Variants in PIP5K1C observed in about 807,000 individuals in gnomAD.
The protein encoded by PIP5K1C is phosphatidylinositol 4-phosphate 5-kinase type-1 gamma.
Under a neutral mutation model 80.1 loss-of-function variants are expected in PIP5K1C, and 45 were observed. The ratio of observed to expected loss-of-function variants is 0.56; its 90% confidence interval spans 0.44 to 0.72. The LOEUF (loss-of-function observed/expected upper bound fraction) is 0.72. PIP5K1C is among the 30% of genes least tolerant of loss of function. The pLI is 0.00. For synonymous variants in PIP5K1C, 498 were observed against 420.1 expected, an observed-to-expected ratio of 1.19 and a Z score of -2.27; for missense variants, 753 against 954.6, an observed-to-expected ratio of 0.79 and a Z score of 2.78.
rs776702962 is a variant in PIP5K1C, at chr19:3,643,404, A to T, written c.1511-23T>A. On this transcript the variant is annotated intron_variant, in intron 12 of 17. Transcript: ENST00000335312. ...GGCCTGAGGGGAGAGGACTGTGGGC[A>T]CCTTGCGGAGCCTCCGAGCCCCCAA... 4 of 1,612,184 alleles carry T rather than the reference A, an allele frequency of 2.5e-6. No individual in the cohort carries two copies. In the South Asian group the frequency reaches 4.4e-5, roughly 18 times the overall value.
intron 1 of PIP5K1C, among the ~76,000 whole-genome samples, chr19:3,698,447 C>G (rs1306652359): frequency 6.6e-6 from 1 of 152,236 alleles, no homozygotes; most frequent in African/African-American, 2.4e-5. Flanking sequence ...CCGATACCAA[C>G]ATAGGGTGGG....
At chr19:3,683,333 T>C (rs1052866040) in intron 1 of PIP5K1C, among the ~76,000 whole-genome samples, 2 of 152,106 alleles carry the variant, frequency 1.3e-5, no homozygotes, top group Non-Finnish European at 2.9e-5. Context: ...CACAGTGGGC[T>C]TGGCTCAGGA....
intron 8 of PIP5K1C, among the ~76,000 whole-genome samples, chr19:3,650,473 T>C (rs2034396411): frequency 6.6e-6 from 1 of 152,256 alleles, no homozygotes; most frequent in African/African-American, 2.4e-5. Context: ...TGGGGACATC[T>C]GTGGTTGTCA....
chr19:3,677,989 G>GGATGGAGGGATGGACA (rs1460470408), intron 1 of PIP5K1C, among the ~76,000 whole-genome samples: 3 of 125,862 alleles, frequency 2.4e-5, no homozygotes, highest in African/African-American at 9.7e-5. Context: ...GAGGGAAGGA[G>GGATGGAGGGATGGACA]GATGGAGGGA....
chr19:3,695,942 G>A (rs983800842), intron 1 of PIP5K1C, among the ~76,000 whole-genome samples: 28 of 151,946 alleles, frequency 1.8e-4, no homozygotes, highest in African/African-American at 6.8e-4. Context: ...GTTGCTCCAG[G>A]CTGGTCTCAA....
In PIP5K1C at chr19:3,632,976, G is replaced by T; in HGVS notation, c.*191C>A. On this transcript the variant is annotated 3_prime_UTR_variant, in exon 18 of 18. Transcript: ENST00000335312. ...CTCACAGGGGCAGGCTGCCGACCGG[G>T]GTGCCGGGGCCCTGGGAGGCTTGTC... The T allele has an allele frequency of 1.9e-6, 1 of 526,224 alleles. No individual in the cohort carries two copies. Among genetic ancestry groups the T allele is most frequent in the Non-Finnish European group, 3.4e-6 (1 of 296,528 alleles). The allele number at this position is 526,224 out of a possible 1,614,324, so 32.6% of individuals were successfully genotyped here.
intron 16 of PIP5K1C, among the ~76,000 whole-genome samples, chr19:3,636,040 T>G (rs2033673821): frequency 6.7e-6 from 1 of 148,668 alleles, no homozygotes; most frequent in Admixed American, 6.7e-5. Context: ...GCCTGTAATC[T>G]CAGCTACTCA....
chr19:3,676,971 G>C (rs2145553790), intron 1 of PIP5K1C, among the ~76,000 whole-genome samples: 1 of 152,188 alleles, frequency 6.6e-6, no homozygotes, highest in Non-Finnish European at 1.5e-5. Flanking sequence ...GAGTGGTGGT[G>C]CACACCTGTA....
At chr19:3,691,091 C>T (rs547888113) in intron 1 of PIP5K1C, among the ~76,000 whole-genome samples, 4 of 152,272 alleles carry the variant, frequency 2.6e-5, no homozygotes, top group South Asian at 2.1e-4. Context: ...CTTGTGGAAA[C>T]GCAGTTCCAA....
At chr19:3,638,127 A>C in intron 16 of PIP5K1C, 2 of 1,277,296 alleles carry the variant, frequency 1.6e-6, no homozygotes, top group South Asian at 1.6e-5. Context: ...AGAACAAACC[A>C]TCTGGGAAGT....
At chr19:3,667,436 G>A (rs1271443008) in intron 1 of PIP5K1C, 83 bp from the exon 2 acceptor site, 3 of 1,512,514 alleles carry the variant, frequency 2.0e-6, no homozygotes, top group Non-Finnish European at 2.8e-6. Context: ...CCACCTTCTG[G>A]CGCCCCAGGC....
At chr19:3,677,483 G>A (rs1022786332) in intron 1 of PIP5K1C, among the ~76,000 whole-genome samples, 4 of 151,302 alleles carry the variant, frequency 2.6e-5, no homozygotes, top group Non-Finnish European at 2.9e-5. Context: ...CTTGGGAGGC[G>A]GAGGCAGGAG....
intron 2 of PIP5K1C, among the ~76,000 whole-genome samples, chr19:3,666,108 C>T (rs1366492628): frequency 2.0e-5 from 3 of 152,236 alleles, no homozygotes; most frequent in Non-Finnish European, 4.4e-5. Context: ...GCCCCCACGC[C>T]GGGGGACTCT....
At chr19:3,655,979 G>C (rs530752565) in intron 6 of PIP5K1C, among the ~76,000 whole-genome samples, 1 of 152,236 alleles carries the variant, frequency 6.6e-6, no homozygotes, top group African/African-American at 2.4e-5. Context: ...CTGGTCTTTT[G>C]TGGGGTACCA....
chr19:3,696,648 C>G lies in PIP5K1C; in HGVS notation c.94+3649G>C, dbSNP rs1026555547. ...GCCGTGCAAAGGCCCCGGGGCAGGA[C>G]CATGCCCTGCATGCTGGAGGAACAG... is the stretch of plus-strand genomic sequence containing the variant. On this transcript the variant is annotated intron_variant, in intron 1 of 17. Coordinates refer to ENST00000335312, the MANE Select transcript of PIP5K1C (RefSeq NM_012398.3). The surrounding 1 kb of genome is among the most constrained non-coding windows in gnomAD (Gnocchi z 4.1). 6.7e-6 allele frequency among the ~76,000 whole-genome samples: 1 copy of G among 148,450 alleles called. No individual in the cohort carries two copies. The highest frequency in any genetic ancestry group is 2.5e-5 in the African/African-American group (1 of 39,758).
In PIP5K1C at chr19:3,641,727, C is replaced by T. The variant is rs2145396260; in HGVS notation, c.1765G>A (p.Val589Ile). The T allele has an allele frequency of 6.2e-7, 1 of 1,609,760 alleles. No individual in the cohort carries two copies. ...CACCCTGCGTCCTCCTCTTTGGGGA[C>T]CACAATCTCCACGCTGCACGCAGGC... ...VEPACSVEIV[V>I]PKEEDAGVEA... Residue 589 changes from valine to isoleucine, a missense_variant, in exon 15 of 18, where the codon GTC (valine) becomes ATC (isoleucine). Physicochemically the swap from Val to Ile is conservative, Grantham distance 29. Coordinates refer to ENST00000335312, the MANE Select transcript of PIP5K1C (RefSeq NM_012398.3).
In PIP5K1C at chr19:3,638,867, G is replaced by A; in HGVS notation, c.1920+17C>T. On this transcript the variant is annotated intron_variant, in intron 16 of 17. Transcript: ENST00000335312. ...CCGGTTGACGAGCCGGCGGCAGGAG[G>A]AGCCCGGGGCACTTACAAAGTAGAT... 3 of 1,613,006 alleles carry A rather than the reference G, an allele frequency of 1.9e-6. No homozygotes were observed. The East Asian group carries it at 6.7e-5, about 36-fold the overall frequency.
intron 2 of PIP5K1C, among the ~76,000 whole-genome samples, chr19:3,666,445 A>C (rs1166662689): frequency 6.6e-6 from 1 of 152,256 alleles, no homozygotes; most frequent in African/African-American, 2.4e-5. Flanking sequence ...GACAGGACCC[A>C]TGTACATGCA....
intron 8 of PIP5K1C, among the ~76,000 whole-genome samples, chr19:3,649,112 C>G (rs2034359013): frequency 8.2e-6 from 1 of 121,802 alleles, no homozygotes. Context: ...CACCCGGCAC[C>G]ATGCCCACAC....
Sources: allele counts gnomAD v4.1 joint callset (sites outside exome capture counted in the v4.1 genomes callset), GRCh38; gene constraint gnomAD v4.1.1; non-coding constraint Gnocchi (gnomAD v3.1); transcripts MANE v1.5; gene names NCBI Gene and HGNC (gene_info 2026-07-23, HGNC 2026-07-21).